Variants in NALF1 observed in about 807,000 individuals in gnomAD.
NALF1 encodes NALCN channel auxiliary factor 1.
A neutral mutation model predicts 48.4 loss-of-function variants in NALF1; 3 were observed. The ratio of observed to expected loss-of-function variants is 0.06; its 90% confidence interval spans 0.03 to 0.16. NALF1 has a LOEUF of 0.16. Among genes scored for constraint, NALF1 ranks in the 10% least tolerant of loss-of-function variants. NALF1 has a pLI of 1.00. For missense variants in NALF1, 526 were observed against 571.5 expected (o/e 0.92, Z 0.81); for synonymous variants, 262 against 245.7 (o/e 1.07, Z -0.62).
intron 1 of NALF1, among the ~76,000 whole-genome samples, chr13:107,561,861 T>C (rs1877657574): frequency 6.6e-6 from 1 of 152,208 alleles, no homozygotes; most frequent in African/African-American, 2.4e-5. Context: ...GACAACATAT[T>C]GCTAGCCGTT....
At chr13:107,718,271 TC>T (rs1174680778) in intron 1 of NALF1, among the ~76,000 whole-genome samples, 1 of 152,172 alleles carries the variant, frequency 6.6e-6, no homozygotes, top group Non-Finnish European at 1.5e-5. Context: ...TTTATGCAGT[TC>T]CGGATAAGAT....
chr13:107,380,937 C>T (rs1883425965), intron 1 of NALF1, among the ~76,000 whole-genome samples: 1 of 143,798 alleles, frequency 7.0e-6, no homozygotes. Flanking sequence ...GAGATCGTGC[C>T]ACTGCACTCC....
chr13:107,646,290 TAAA>T (rs80217872), intron 1 of NALF1, among the ~76,000 whole-genome samples: 1 of 132,294 alleles, frequency 7.6e-6, no homozygotes, highest in Non-Finnish European at 1.6e-5. Flanking sequence ...GCCAACTTCT[TAAA>T]AAAAAAAAAA....
intron 1 of NALF1, among the ~76,000 whole-genome samples, chr13:107,360,274 T>C (rs1883038405): frequency 6.6e-6 from 1 of 152,146 alleles, no homozygotes; most frequent in Non-Finnish European, 1.5e-5. Flanking sequence ...CTAAACTTTG[T>C]TTGAATTGCA....
intron 1 of NALF1, among the ~76,000 whole-genome samples, chr13:107,378,601 T>C (rs1332523776): frequency 1.3e-5 from 2 of 152,194 alleles, no homozygotes; most frequent in Non-Finnish European, 2.9e-5. Flanking sequence ...ATAAATACTA[T>C]GAGATTTTGT....
chr13:107,551,471 C>T (rs1172459443), intron 1 of NALF1, among the ~76,000 whole-genome samples: 3 of 152,086 alleles, frequency 2.0e-5, no homozygotes, highest in Non-Finnish European at 2.9e-5. Flanking sequence ...GAATGAGATA[C>T]AATATCTGCA....
At chr13:107,338,131 T>C (rs1237295035) in intron 1 of NALF1, among the ~76,000 whole-genome samples, 2 of 152,242 alleles carry the variant, frequency 1.3e-5, no homozygotes, top group African/African-American at 4.8e-5. Context: ...TGAAACGCAG[T>C]ATAATCCTTG....
At chr13:107,272,560 T>G (rs1371060787) in intron 1 of NALF1, among the ~76,000 whole-genome samples, 1 of 151,716 alleles carries the variant, frequency 6.6e-6, no homozygotes, top group Non-Finnish European at 1.5e-5. Context: ...TTTTTGGAGC[T>G]ATCTCTTCAC....
Position 107,165,989 on chromosome 13 carries a change from AGTTTT to A in NALF1, c.*4503_*4507del, listed in dbSNP as rs1253319283. ...ATGGACTACATAATGTTTTGGTTGA[AGTTTT>A]ATTTGCAAGCGATGTGTGTGTGTGT... On this transcript the variant is annotated 3_prime_UTR_variant, in exon 3 of 3. Transcript: ENST00000375915. 2 of 149,614 alleles carry A rather than the reference AGTTTT, an allele frequency of 1.3e-5. No homozygotes were observed. The highest frequency in any genetic ancestry group is 1.3e-4 in the Admixed American group (2 of 15,048). 9.3% of individuals were successfully genotyped at this position (149,614 alleles called of 1,614,324 possible). A position where few individuals can be genotyped will look rare whatever the true frequency, so the allele number is the denominator to read the frequency against.
intron 2 of NALF1, among the ~76,000 whole-genome samples, chr13:107,198,185 A>G (rs1197144034): frequency 6.6e-6 from 1 of 152,150 alleles, no homozygotes; most frequent in Non-Finnish European, 1.5e-5. Context: ...AACTACAGAG[A>G]GTGGCTTGAT....
chr13:107,181,563 C>T (rs1300291311), intron 2 of NALF1, among the ~76,000 whole-genome samples: 1 of 135,808 alleles, frequency 7.4e-6, no homozygotes, highest in Non-Finnish European at 1.6e-5. Context: ...ACAATGTGAT[C>T]TTTAGAAAGT....
intron 1 of NALF1, among the ~76,000 whole-genome samples, chr13:107,241,471 T>C (rs1880470164): frequency 1.3e-5 from 2 of 152,208 alleles, no homozygotes; most frequent in African/African-American, 4.8e-5. Flanking sequence ...AATGAGAGCA[T>C]GAATTCCCTT....
At chr13:107,772,631 T>C (rs866860081) in intron 1 of NALF1, among the ~76,000 whole-genome samples, 2 of 152,186 alleles carry the variant, frequency 1.3e-5, no homozygotes, top group East Asian at 3.8e-4. Flanking sequence ...TGCAGCATCA[T>C]TTACAGCAGG....
intron 1 of NALF1, among the ~76,000 whole-genome samples, chr13:107,772,466 A>G (rs1341888750): frequency 1.3e-5 from 2 of 152,196 alleles, no homozygotes; most frequent in Non-Finnish European, 1.5e-5. Context: ...GGCACAAACA[A>G]TACAATATGT....
intron 1 of NALF1, among the ~76,000 whole-genome samples, chr13:107,235,101 C>T (rs1880314659): frequency 6.6e-6 from 1 of 152,280 alleles, no homozygotes; most frequent in Admixed American, 6.5e-5. Flanking sequence ...TATAATTCTG[C>T]TTTTAATTAC....
intron 1 of NALF1, among the ~76,000 whole-genome samples, chr13:107,408,094 G>A (rs548416000): frequency 6.6e-6 from 1 of 151,990 alleles, no homozygotes; most frequent in East Asian, 1.9e-4. Flanking sequence ...GTAGAAAGAT[G>A]GTTACCAGAG....
At chr13:107,292,978 T>C (rs1047125299) in intron 1 of NALF1, among the ~76,000 whole-genome samples, 3 of 126,042 alleles carry the variant, frequency 2.4e-5, no homozygotes, top group Non-Finnish European at 4.9e-5. Context: ...AGCTCCGTTA[T>C]AGTTTTTCTT....
intron 1 of NALF1, among the ~76,000 whole-genome samples, chr13:107,214,658 C>T (rs1479146581): frequency 1.3e-5 from 2 of 152,164 alleles, no homozygotes; most frequent in African/African-American, 4.8e-5. Flanking sequence ...CGCTCCTCCA[C>T]TGTGTCCTCT....
At chr13:107,801,860 C>A (rs1878623109) in intron 1 of NALF1, among the ~76,000 whole-genome samples, 1 of 152,182 alleles carries the variant, frequency 6.6e-6, no homozygotes. Context: ...TTCGCACAGC[C>A]AGCGCTGCAC....
Sources: allele counts gnomAD v4.1 joint callset (sites outside exome capture counted in the v4.1 genomes callset), GRCh38; gene constraint gnomAD v4.1.1; transcripts MANE v1.5; gene names NCBI Gene and HGNC (gene_info 2026-07-23, HGNC 2026-07-21).